SPP1: variants seen among roughly 807,000 people sequenced by gnomAD.
SPP1 encodes the protein osteopontin.
In SPP1, 18 loss-of-function variants were observed where a neutral mutation model predicts 20.8. The observed-to-expected ratio is 0.87, with a 90% CI of 0.60 to 1.29. SPP1 has a LOEUF of 1.29. Ranked by LOEUF, SPP1 falls within the 50% of genes most tolerant of loss-of-function variation. SPP1 has a pLI of 0.00. For synonymous variants in SPP1, 146 were observed against 141.5 expected (o/e 1.03, Z -0.23); for missense variants, 363 against 389.0 (o/e 0.93, Z 0.56).
rs528494193 is a variant in SPP1 at position 87,976,998 on chromosome 4, T to C, written c.54+49T>C. The C allele has an allele frequency of 1.1e-5, 18 of 1,612,186 alleles. No homozygotes were observed. In the South Asian group the frequency reaches 1.6e-4, roughly 15 times the overall value. ...AAAATTCCTGAAAATAACTGAATTG[T>C]GTGCTTCCATGTGCTAGGAGGACAT... On this transcript the variant is annotated intron_variant, in intron 2 of 6. Coordinates refer to ENST00000395080, the MANE Select transcript of SPP1 (RefSeq NM_001040058.2).
rs1725645386 is a variant in SPP1, at chr4:87,981,564, C to T, written c.306C>T (p.Ser102=). Residue 102 remains serine (S), a synonymous_variant, in exon 6 of 7, where the codon TCC becomes TCT. Coordinates refer to ENST00000395080, the MANE Select transcript of SPP1 (RefSeq NM_001040058.2). ...ATGACCATGTGGACAGCCAGGACTCCATTGACTCGAACGACTCTGATGATG... is the reference window on the plus strand; with the variant it reads ...ATGACCATGTGGACAGCCAGGACTCTATTGACTCGAACGACTCTGATGATG... ...DDDDHVDSQD[S]IDSNDSDDVD... The T allele has an allele frequency of 1.2e-6, 2 of 1,612,428 alleles. No individual in the cohort carries two copies. Among genetic ancestry groups the T allele is most frequent in the South Asian group, 2.2e-5 (2 of 91,018 alleles).
chr4:87,977,550 A>G (rs896749139), intron 3 of SPP1: 8 of 585,182 alleles, frequency 1.4e-5, no homozygotes, highest in East Asian at 9.8e-5. Flanking sequence ...CATTGTGAAA[A>G]GAAAGTCTAT....
chr4:87,980,568 T>A, intron 5 of SPP1, 134 bp downstream of exon 5: 1 of 849,686 alleles, frequency 1.2e-6, no homozygotes. Flanking sequence ...TGCTCATAAA[T>A]AAAACATGTA....
chr4:87,977,132 A>G, intron 3 of SPP1, 35 bp downstream of exon 3: 1 of 1,596,324 alleles, frequency 6.3e-7, no homozygotes, highest in Non-Finnish European at 8.6e-7. Context: ...TAGTTAAATC[A>G]TTTACTCAAT....
rs9138 is a variant in SPP1, at chr4:87,983,190, A to T, written c.*294A>T. ...TCTCATGAATAGAAATTTATGTAGA[A>T]GCAAACAAAATACTTTTACCCACTT... On this transcript the variant is annotated 3_prime_UTR_variant, in exon 7 of 7. Coordinates refer to ENST00000395080, the MANE Select transcript of SPP1 (RefSeq NM_001040058.2). The T allele has an allele frequency of 8.1e-5, 19 of 233,414 alleles. No individual in the cohort carries two copies. Among genetic ancestry groups the T allele is most frequent in the Middle Eastern group, 1.4e-3 (1 of 704 alleles). 14.5% of individuals were successfully genotyped at this position (233,414 alleles called of 1,614,324 possible).
At chr4:87,980,748 T>A (rs936840034) in intron 5 of SPP1, 3 of 274,878 alleles carry the variant, frequency 1.1e-5, no homozygotes, top group Non-Finnish European at 2.0e-5. Context: ...AAGCTAAGAT[T>A]TTGCCTTTAG....
In SPP1 at chr4:87,982,827, GGAA is replaced by G; in HGVS notation, c.882_884del (p.Glu294del). ...TGCTGGTTGTAGACCCCAAAAGTAA[GGAA>G]GAAGATAAACACCTGAAATTTCGTA... On this transcript the variant is annotated inframe_deletion, in exon 7 of 7. Coordinates refer to ENST00000395080, the MANE Select transcript of SPP1 (RefSeq NM_001040058.2). 9 of 1,614,096 alleles carry G rather than the reference GGAA, an allele frequency of 5.6e-6. No individual in the cohort carries two copies. Among genetic ancestry groups the G allele is most frequent in the Non-Finnish European group, 7.6e-6 (9 of 1,180,020 alleles).
Position 87,978,423 on chromosome 4 carries a change from T to TC in SPP1, c.93+1327dup, listed in dbSNP as rs754032941. ...TTTTTTTTTTTTTTTTGAGACGGAGTCTCGCTCCGTCGCCCAGGCTGGAGT... is the reference window on the plus strand; with the variant it reads ...TTTTTTTTTTTTTTTTGAGACGGAGTCCTCGCTCCGTCGCCCAGGCTGGAGT... On this transcript the variant is annotated intron_variant, in intron 3 of 6. Coordinates refer to ENST00000395080, the MANE Select transcript of SPP1 (RefSeq NM_001040058.2). Among the ~76,000 whole-genome samples the TC allele has an allele frequency of 5.4e-3, 709 of 130,708 alleles. 4 individuals are homozygous for TC. Among genetic ancestry groups the TC allele is most frequent in the Non-Finnish European group, 8.3e-3 (536 of 64,752 alleles). 85.7% of individuals were successfully genotyped at this position (130,708 alleles called of 152,430 possible). A position where few individuals can be genotyped will look rare whatever the true frequency, so the allele number is the denominator to read the frequency against.
At chr4:87,977,032 T>C (rs190195138) in intron 2 of SPP1, 27 bp from the exon 3 acceptor site, 4 of 1,614,028 alleles carry the variant, frequency 2.5e-6, no homozygotes, top group African/African-American at 2.7e-5. Context: ...ATTCTTGTAA[T>C]CTTTCTTCAT....
At chr4:87,977,034 TTTC>T in intron 2 of SPP1, 22 bp from the exon 3 acceptor site, 6 of 1,614,072 alleles carry the variant, frequency 3.7e-6, no homozygotes, top group Non-Finnish European at 3.4e-6. Flanking sequence ...TCTTGTAATC[TTTC>T]TTCATCTTTT....
intron 3 of SPP1, among the ~76,000 whole-genome samples, chr4:87,978,886 A>G (rs547682006): frequency 1.3e-5 from 2 of 152,280 alleles, no homozygotes; most frequent in South Asian, 4.1e-4. Context: ...AGTGACAGGG[A>G]AATGTAATGA....
chr4:87,979,507 C>T (rs1468535293), intron 3 of SPP1, among the ~76,000 whole-genome samples: 2 of 152,018 alleles, frequency 1.3e-5, no homozygotes, highest in Non-Finnish European at 2.9e-5. Flanking sequence ...TAAATAGCTC[C>T]ATGTGGTTAG....
At position 87,982,728 on chromosome 4, in the gene SPP1, T is replaced by C. The variant is rs1340824066; in HGVS notation, c.777T>C (p.Asp259=). 4 of 1,614,142 alleles carry C rather than the reference T, an allele frequency of 2.5e-6. No individual in the cohort carries two copies. The highest frequency in any genetic ancestry group is 1.7e-5 in the Admixed American group (1 of 60,026). ...ATGATGAGAGCAATGAGCATTCCGA[T>C]GTGATTGATAGTCAGGAACTTTCCA... ...KANDESNEHS[D]VIDSQELSKV... is the part of the protein sequence containing the mutation. Residue 259 remains aspartate, a synonymous_variant, in exon 7 of 7, where the codon GAT becomes GAC. Transcript: ENST00000395080.
intron 6 of SPP1, 89 bp downstream of exon 6, chr4:87,981,887 C>CA: frequency 9.0e-7 from 1 of 1,110,694 alleles, no homozygotes; most frequent in Non-Finnish European, 1.3e-6. Flanking sequence ...TTCATTCATC[C>CA]ATTCATTCAT....
At chr4:87,981,855 C>T (rs6812778) in intron 6 of SPP1, 57 bp downstream of exon 6, 2 of 1,453,100 alleles carry the variant, frequency 1.4e-6, no homozygotes, top group African/African-American at 2.8e-5. Flanking sequence ...GTCTAGGAAA[C>T]CACAGTTTGC....
intron 3 of SPP1, among the ~76,000 whole-genome samples, chr4:87,979,346 A>AT (rs917088612): frequency 1.6e-4 from 24 of 147,952 alleles, no homozygotes; most frequent in Admixed American, 8.7e-4. Flanking sequence ...TTTTATTTTT[A>AT]TTTTTTTTAG....
chr4:87,977,616 C>A, intron 3 of SPP1: 1 of 1,087,282 alleles, frequency 9.2e-7, no homozygotes, highest in Non-Finnish European at 1.1e-6. Context: ...CATTTTCTAA[C>A]CAAACATAAG....
chr4:87,977,156 G>A, intron 3 of SPP1, 59 bp downstream of exon 3: 1 of 1,520,810 alleles, frequency 6.6e-7, no homozygotes, highest in East Asian at 2.2e-5. Context: ...GGCGAGAGGT[G>A]CAAGAAACGT....
intron 6 of SPP1, 86 bp downstream of exon 6, chr4:87,981,884 A>G (rs1725665316): frequency 2.2e-5 from 25 of 1,146,274 alleles, no homozygotes; most frequent in Non-Finnish European, 3.0e-5. Context: ...TCATTCATTC[A>G]TCCATTCATT....
Sources: gnomAD v4.1 joint callset for allele counts (sites outside exome capture counted in the v4.1 genomes callset) on GRCh38, gnomAD v4.1.1 for gene constraint, MANE v1.5 for transcripts, NCBI Gene and HGNC (gene_info 2026-07-23, HGNC 2026-07-21) for gene names.